PTPRM: variants seen among roughly 807,000 people sequenced by gnomAD.
The protein encoded by PTPRM is protein tyrosine phosphatase receptor type M, also known as receptor-type tyrosine-protein phosphatase mu.
A neutral mutation model predicts 186.7 loss-of-function variants in PTPRM; 47 were observed. That is an observed-to-expected ratio of 0.25 (90% CI 0.20 to 0.32). PTPRM has a LOEUF of 0.32. PTPRM is among the 10% of genes least tolerant of loss of function. PTPRM has a pLI of 1.00. For missense variants in PTPRM, 1,494 were observed against 1,865.0 expected, an observed-to-expected ratio of 0.80 and a Z score of 3.66; for synonymous variants, 668 against 674.9, an observed-to-expected ratio of 0.99 and a Z score of 0.16.
chr18:7,574,753 C>T (rs968405011), intron 1 of PTPRM, among the ~76,000 whole-genome samples: 2 of 152,192 alleles, frequency 1.3e-5, no homozygotes, highest in Non-Finnish European at 2.9e-5. Context: ...GTTTTTCGGC[C>T]AGGCGCGGTG....
At chr18:7,569,175 C>T (rs189276564) in intron 1 of PTPRM, among the ~76,000 whole-genome samples, 184 of 152,194 alleles carry the variant, frequency 1.2e-3, no homozygotes, top group Middle Eastern at 3.4e-3. Flanking sequence ...TGCGTGGAAA[C>T]CTTTTTATTT....
chr18:8,207,193 A>G (rs1031650343), intron 14 of PTPRM, among the ~76,000 whole-genome samples: 31 of 152,202 alleles, frequency 2.0e-4, no homozygotes, highest in Non-Finnish European at 3.5e-4. Context: ...ATGAAACTGT[A>G]GAGTTCAAAG....
intron 1 of PTPRM, among the ~76,000 whole-genome samples, chr18:7,653,116 A>G (rs1247591392): frequency 7.7e-6 from 1 of 130,578 alleles, no homozygotes; most frequent in African/African-American, 3.5e-5. Context: ...ACCACTATGT[A>G]CTTTATTATT....
chr18:8,065,527 G>T (rs557756032), intron 7 of PTPRM, among the ~76,000 whole-genome samples: 1 of 152,262 alleles, frequency 6.6e-6, no homozygotes, highest in Non-Finnish European at 1.5e-5. Context: ...TCATGAGTCA[G>T]TGGGCCCACA....
At chr18:7,589,207 C>A (rs931515069) in intron 1 of PTPRM, among the ~76,000 whole-genome samples, 6 of 152,134 alleles carry the variant, frequency 3.9e-5, no homozygotes, top group Admixed American at 3.9e-4. Flanking sequence ...AGCCCTCCAG[C>A]GAATGTCTGT....
At chr18:8,236,928 C>A (rs1383632289) in intron 14 of PTPRM, among the ~76,000 whole-genome samples, 1 of 152,094 alleles carries the variant, frequency 6.6e-6, no homozygotes, top group Non-Finnish European at 1.5e-5. Context: ...CTATTTGTTG[C>A]TCTTATTCTT....
intron 7 of PTPRM, among the ~76,000 whole-genome samples, chr18:8,019,896 A>G (rs1195679855): frequency 6.6e-6 from 1 of 151,154 alleles, no homozygotes; most frequent in Admixed American, 6.6e-5. Flanking sequence ...TTGGGTTCTC[A>G]TGCATTAAAT....
intron 7 of PTPRM, among the ~76,000 whole-genome samples, chr18:8,007,440 A>G (rs1180932990): frequency 2.6e-5 from 4 of 152,148 alleles, no homozygotes; most frequent in South Asian, 2.1e-4. Context: ...TACAAATTAC[A>G]AAGTGTTGCA....
At chr18:8,128,869 C>T (rs1269028015) in intron 13 of PTPRM, among the ~76,000 whole-genome samples, 1 of 151,882 alleles carries the variant, frequency 6.6e-6, no homozygotes, top group Non-Finnish European at 1.5e-5. Context: ...TTTTTTGATA[C>T]CATTTTGTGG....
At chr18:7,780,680 TC>T (rs1368416694) in intron 2 of PTPRM, among the ~76,000 whole-genome samples, 1 of 152,050 alleles carries the variant, frequency 6.6e-6, no homozygotes, top group Non-Finnish European at 1.5e-5. Flanking sequence ...GATGATTAAA[TC>T]CCATGGAGGA....
chr18:8,230,415 C>T (rs1424854293), intron 14 of PTPRM, among the ~76,000 whole-genome samples: 1 of 152,128 alleles, frequency 6.6e-6, no homozygotes, highest in Admixed American at 6.6e-5. Context: ...GGACAGTGTC[C>T]AGACATAAGC....
rs1473124827 is a variant in PTPRM, at chr18:7,594,107, C to T, written c.73+26216C>T. On this transcript the variant is annotated intron_variant, in intron 1 of 32. Transcript: ENST00000580170. ...TTCTGTTGATGTTAAGGAAGCAGTA[C>T]ACATTTTTTATTGGAAAAAGTAACA... Among the ~76,000 whole-genome samples, 4 of 152,272 alleles carry T rather than the reference C, an allele frequency of 2.6e-5. No homozygotes were observed. The East Asian group carries it at 7.7e-4, about 29-fold the overall frequency.
chr18:7,755,487 C>T (rs953717972), intron 1 of PTPRM, among the ~76,000 whole-genome samples: 4 of 152,108 alleles, frequency 2.6e-5, no homozygotes, highest in African/African-American at 7.2e-5. Flanking sequence ...GCATGTGTGG[C>T]CCATGTGGAA....
chr18:8,085,059 G>T (rs2090359727), intron 9 of PTPRM, among the ~76,000 whole-genome samples: 2 of 152,040 alleles, frequency 1.3e-5, no homozygotes, highest in South Asian at 4.1e-4. Flanking sequence ...ACCAGATGTG[G>T]CTAGTGGCTA....
intron 1 of PTPRM, among the ~76,000 whole-genome samples, chr18:7,702,751 G>T (rs1394252001): frequency 6.6e-6 from 1 of 152,144 alleles, no homozygotes; most frequent in South Asian, 2.1e-4. Flanking sequence ...TGTTGTTTTA[G>T]TCATGAAGTC....
chr18:8,127,322 T>G (rs374630669), intron 13 of PTPRM, among the ~76,000 whole-genome samples: 13 of 151,376 alleles, frequency 8.6e-5, no homozygotes, highest in African/African-American at 3.2e-4. Flanking sequence ...ATGCTTAGAA[T>G]CCCTTCCAGG....
At chr18:8,211,140 G>T (rs180763289) in intron 14 of PTPRM, among the ~76,000 whole-genome samples, 27 of 152,274 alleles carry the variant, frequency 1.8e-4, no homozygotes, top group African/African-American at 6.5e-4. Context: ...CTCTTTAGAA[G>T]ACTTGGGCTA....
chr18:8,034,696 C>T (rs966235623), intron 7 of PTPRM, among the ~76,000 whole-genome samples: 3 of 152,160 alleles, frequency 2.0e-5, no homozygotes, highest in African/African-American at 7.2e-5. Flanking sequence ...GGGCTCAAGG[C>T]TCTCCCCTAG....
At chr18:8,267,633 A>G (rs1212178724) in intron 19 of PTPRM, among the ~76,000 whole-genome samples, 1 of 152,132 alleles carries the variant, frequency 6.6e-6, no homozygotes. Flanking sequence ...ATTCCTTTCT[A>G]AAGATGTATT....
Sources: allele counts gnomAD v4.1 joint callset (sites outside exome capture counted in the v4.1 genomes callset), GRCh38; gene constraint gnomAD v4.1.1; transcripts MANE v1.5; gene names NCBI Gene and HGNC (gene_info 2026-07-23, HGNC 2026-07-21).